The following RPL14 variants were observed in gnomAD, a reference collection of about 807,000 sequenced individuals.
The protein encoded by RPL14 is large ribosomal subunit protein eL14.
Under a neutral mutation model 25.3 loss-of-function variants are expected in RPL14, and 4 were observed. The observed-to-expected ratio is 0.16, with a 90% CI of 0.08 to 0.36. The LOEUF (loss-of-function observed/expected upper bound fraction) is 0.36. RPL14 is among the 10% of genes least tolerant of loss of function. The pLI is 1.00. For missense variants in RPL14, 212 were observed against 261.9 expected (o/e 0.81, Z 1.31); for synonymous variants, 75 against 89.8 (o/e 0.84, Z 0.93).
At position 40,466,855 on chromosome 3, in the gene RPL14, G is replaced by GAT. The variant is rs1414691432; in HGVS notation, c.*4623_*4624insAT. On this transcript the variant is annotated 3_prime_UTR_variant, in exon 6 of 6. Coordinates refer to ENST00000396203, the MANE Select transcript of RPL14 (RefSeq NM_001034996.3). ...ACTTCCTCTTATCTCTAAGTAATTG[G>GAT]CATGTCCTCTAATTCATATTTTCCC... 6.6e-6 allele frequency: 1 copy of GAT among 152,124 alleles called. No homozygotes were observed. The highest frequency in any genetic ancestry group is 6.5e-5 in the Admixed American group (1 of 15,276). The allele number at this position is 152,124 out of a possible 1,614,324, so 9.4% of individuals were successfully genotyped here. A position where few individuals can be genotyped will look rare whatever the true frequency, so the allele number is the denominator to read the frequency against.
rs145682545 is a variant in RPL14 at position 40,461,987 on chromosome 3, C to A, written c.403C>A (p.Leu135Ile). 2.9e-4 allele frequency: 462 copies of A among 1,605,148 alleles called. No individual in the cohort carries two copies. In the African/African-American group the frequency reaches 5.1e-3, roughly 18 times the overall value. ...AGTTAAGAAGCTTCAAAAGGCAGCT[C>A]TCCTGAAAGCTTCTCCCAAAAAAGC... ...NEVKKLQKAA[L>I]LKASPKKAPG... The change falls in exon 6 of 6, where the codon CTC becomes ATC. Residue 135 changes from leucine to isoleucine, a missense_variant. Leu to Ile is a conservative substitution (Grantham distance 5, BLOSUM62 2). Coordinates refer to ENST00000396203, the MANE Select transcript of RPL14 (RefSeq NM_001034996.3).
At position 40,463,365 on chromosome 3, in the gene RPL14, C is replaced by G. The variant is rs1194265480; in HGVS notation, c.*1133C>G. 2 of 152,198 alleles carry G rather than the reference C, an allele frequency of 1.3e-5. No homozygotes were observed. The highest frequency in any genetic ancestry group is 2.9e-5 in the Non-Finnish European group (2 of 68,096). The allele number at this position is 152,198 out of a possible 1,614,324, so 9.4% of individuals were successfully genotyped here. On this transcript the variant is annotated 3_prime_UTR_variant, in exon 6 of 6. Coordinates refer to ENST00000396203, the MANE Select transcript of RPL14 (RefSeq NM_001034996.3). Reference sequence around the variant, plus strand: ...GGACTATAGGTGTGTGCCACCACGTCTGGCTAGTTTTTGTATTTTTAGTGG... The same window carrying G: ...GGACTATAGGTGTGTGCCACCACGTGTGGCTAGTTTTTGTATTTTTAGTGG...
At chr3:40,461,573 G>T in intron 4 of RPL14, 35 bp from the exon 5 acceptor site, 1 of 1,600,330 alleles carries the variant, frequency 6.2e-7, no homozygotes, top group South Asian at 1.1e-5. Flanking sequence ...TAGTGTGAGA[G>T]GGATAATTTT....
chr3:40,458,151 C>A lies in RPL14; in HGVS notation c.105+160C>A, dbSNP rs1480513859. ...TAATGGTACGGGTTTTAAGCACAGC[C>A]TGAAGTTAGCTATTAGTATTGAATT... On this transcript the variant is annotated intron_variant, in intron 2 of 5. Coordinates refer to ENST00000396203, the MANE Select transcript of RPL14 (RefSeq NM_001034996.3). The A allele has an allele frequency of 7.9e-6, 5 of 632,722 alleles. No individual in the cohort carries two copies. The South Asian group carries it at 9.6e-5, about 12-fold the overall frequency. The allele number at this position is 632,722 out of a possible 1,614,324, so 39.2% of individuals were successfully genotyped here.
In RPL14 at chr3:40,464,121, C is replaced by T. The variant is rs967952009; in HGVS notation, c.*1889C>T. On this transcript the variant is annotated 3_prime_UTR_variant, in exon 6 of 6. Coordinates refer to ENST00000396203, the MANE Select transcript of RPL14 (RefSeq NM_001034996.3). ...AGCAGGGGTTAAATGCGTGTACCAC[C>T]ATGCCCCTCTAATATTGTATTAGAG... 8.2e-6 allele frequency: 2 copies of T among 244,448 alleles called. No homozygotes were observed. The highest frequency in any genetic ancestry group is 1.7e-5 in the Non-Finnish European group (2 of 120,360). 15.1% of individuals were successfully genotyped at this position (244,448 alleles called of 1,614,324 possible).
chr3:40,461,727 C>G, intron 5 of RPL14, 66 bp downstream of exon 5: 1 of 1,450,692 alleles, frequency 6.9e-7, no homozygotes, highest in Non-Finnish European at 9.4e-7. Flanking sequence ...GTAGCCAAAT[C>G]CCATTTCAGG....
In RPL14 at chr3:40,458,656, A is replaced by G; in HGVS notation, c.120A>G (p.Gly40=). 6.2e-7 allele frequency: 1 copy of G among 1,614,054 alleles called. No homozygotes were observed. Residue 40 remains glycine, a synonymous_variant, in exon 3 of 6, where the codon GGA becomes GGG. Coordinates refer to ENST00000396203, the MANE Select transcript of RPL14 (RefSeq NM_001034996.3). ...TTGTGTTCTAGGCTTTGGTCGATGG[A>G]CCTTGCACTCAAGTGAGGAGACAGG... ...VIDQNRALVD[G]PCTQVRRQAM... is the part of the protein sequence containing the mutation.
At position 40,462,099 on chromosome 3, in the gene RPL14, A is replaced by C; in HGVS notation, c.515A>C (p.Lys172Thr). The change falls in exon 6 of 6, where the codon AAG (lysine) becomes ACG (threonine). Residue 172 changes from lysine to threonine, a missense_variant. Physicochemically the swap from Lys to Thr is moderately conservative, Grantham distance 78. Transcript: ENST00000396203. Reference sequence around the variant, plus strand: ...AAAAAGATCACCGCCGCGAGTAAAAAGGCTCCAGCCCAGAAGGTTCCTGCC... The same window carrying C: ...AAAAAGATCACCGCCGCGAGTAAAACGGCTCCAGCCCAGAAGGTTCCTGCC... ...PAKKITAASK[K>T]APAQKVPAQK... The C allele has an allele frequency of 6.2e-7, 1 of 1,611,112 alleles. No homozygotes were observed. Among genetic ancestry groups the C allele is most frequent in the South Asian group, 1.1e-5 (1 of 90,882 alleles).
At chr3:40,457,718 C>T (rs1160699679) in intron 1 of RPL14, 172 bp from the exon 2 acceptor site, 5 of 688,510 alleles carry the variant, frequency 7.3e-6, no homozygotes, top group South Asian at 3.6e-5. Flanking sequence ...GCTTAAGCTA[C>T]TGAGGCGTTT....
In RPL14 at chr3:40,465,974, T is replaced by A. The variant is rs1196836708; in HGVS notation, c.*3742T>A. On this transcript the variant is annotated 3_prime_UTR_variant, in exon 6 of 6. Coordinates refer to ENST00000396203, the MANE Select transcript of RPL14 (RefSeq NM_001034996.3). The stretch of plus-strand genomic sequence containing the variant: ...GGGAGGCTGAGGCAGGCGGATCACC[T>A]GAGGTCAGGGGTCCGAGACCAGCTT... 2 of 151,666 alleles carry A rather than the reference T, an allele frequency of 1.3e-5. No homozygotes were observed. The highest frequency in any genetic ancestry group is 4.8e-5 in the African/African-American group (2 of 41,346). 9.4% of individuals were successfully genotyped at this position (151,666 alleles called of 1,614,324 possible).
rs1213456764 is a variant in RPL14 at position 40,467,695 on chromosome 3, TC to T, written c.*5464del. ...ACATAACCATAACAATTCTTACTAA[TC>T]TACCTCATTCTTTTTTATCTTCTGC... On this transcript the variant is annotated 3_prime_UTR_variant, in exon 6 of 6. Transcript: ENST00000396203. 15 of 152,364 alleles carry T rather than the reference TC, an allele frequency of 9.8e-5. No homozygotes were observed. Among genetic ancestry groups the T allele is most frequent in the Admixed American group, 3.3e-4 (5 of 15,302 alleles). The allele number at this position is 152,364 out of a possible 1,614,324, so 9.4% of individuals were successfully genotyped here.
intron 3 of RPL14, among the ~76,000 whole-genome samples, chr3:40,459,312 C>T (rs1202052260): frequency 6.6e-6 from 1 of 152,164 alleles, no homozygotes. Flanking sequence ...TTAAAGTAAA[C>T]AACAATACTA....
chr3:40,466,181 A>C lies in RPL14; in HGVS notation c.*3949A>C, dbSNP rs1697025718. On this transcript the variant is annotated 3_prime_UTR_variant, in exon 6 of 6. Coordinates refer to ENST00000396203, the MANE Select transcript of RPL14 (RefSeq NM_001034996.3). ...ACTCCAGCTTGGGCGACAGAGGGAG[A>C]CTCTGTCTCAAAAAAAAGACTTGAG... 1 of 151,758 alleles carries C rather than the reference A, an allele frequency of 6.6e-6. No individual in the cohort carries two copies. Among genetic ancestry groups the C allele is most frequent in the Non-Finnish European group, 1.5e-5 (1 of 68,006 alleles). The allele number at this position is 151,758 out of a possible 1,614,324, so 9.4% of individuals were successfully genotyped here. A position where few individuals can be genotyped will look rare whatever the true frequency, so the allele number is the denominator to read the frequency against.
intron 4 of RPL14, 42 bp downstream of exon 4, chr3:40,461,548 T>G: frequency 6.2e-7 from 1 of 1,610,792 alleles, no homozygotes; most frequent in Non-Finnish European, 8.5e-7. Context: ...CTTTCTTTTT[T>G]TGGAGGGTTC....
chr3:40,457,854 A>T, intron 1 of RPL14, 36 bp from the exon 2 acceptor site: 1 of 1,559,886 alleles, frequency 6.4e-7, no homozygotes, highest in Non-Finnish European at 8.8e-7. Context: ...GAGTATTTCT[A>T]AGTAAGTTTC....
In RPL14 at chr3:40,468,421, T is replaced by C. The variant is rs1697059793; in HGVS notation, c.*6189T>C. The stretch of plus-strand genomic sequence containing the variant: ...GTGTGTGAAAAGTAGTATCTTACTT[T>C]AACTTGTATTTTCCTGGTCCAATAG... On this transcript the variant is annotated 3_prime_UTR_variant, in exon 6 of 6. Transcript: ENST00000396203. 3 of 152,238 alleles carry C rather than the reference T, an allele frequency of 2.0e-5. No homozygotes were observed. The highest frequency in any genetic ancestry group is 2.0e-4 in the Admixed American group (3 of 15,280). 9.4% of individuals were successfully genotyped at this position (152,238 alleles called of 1,614,324 possible). A position where few individuals can be genotyped will look rare whatever the true frequency, so the allele number is the denominator to read the frequency against.
chr3:40,461,816 T>C (rs1696940992), intron 5 of RPL14, 123 bp from the exon 6 acceptor site: 2 of 1,292,180 alleles, frequency 1.5e-6, no homozygotes, highest in Admixed American at 5.4e-5. Context: ...TATGGAATTG[T>C]TACCTTTCTT....
chr3:40,463,986 T>TC lies in RPL14; in HGVS notation c.*1754_*1755insC, dbSNP rs1313895884. On this transcript the variant is annotated 3_prime_UTR_variant, in exon 6 of 6. Transcript: ENST00000396203. ...GAAACAGGATTACTTTTTTTTTTTT[T>TC]TTTGAGACAGAGCCTTACTCTTGCC... is the stretch of plus-strand genomic sequence containing the variant. 2 of 153,564 alleles carry TC rather than the reference T, an allele frequency of 1.3e-5. No individual in the cohort carries two copies. The highest frequency in any genetic ancestry group is 4.8e-5 in the African/African-American group (2 of 41,304). 9.5% of individuals were successfully genotyped at this position (153,564 alleles called of 1,614,324 possible). A position where few individuals can be genotyped will look rare whatever the true frequency, so the allele number is the denominator to read the frequency against.
At chr3:40,459,578 G>T (rs932449134) in intron 3 of RPL14, among the ~76,000 whole-genome samples, 1 of 152,086 alleles carries the variant, frequency 6.6e-6, no homozygotes, top group Non-Finnish European at 1.5e-5. Flanking sequence ...TATGTTGGCC[G>T]GGCGCGGTGG....
Sources: allele counts gnomAD v4.1 joint callset (sites outside exome capture counted in the v4.1 genomes callset), GRCh38; gene constraint gnomAD v4.1.1; transcripts MANE v1.5; gene names NCBI Gene and HGNC (gene_info 2026-07-23, HGNC 2026-07-21).